AKAP19: variants seen among roughly 807,000 people sequenced by gnomAD.
The protein encoded by AKAP19 is small A-kinase anchoring protein.
chr2:189,993,516 A>G, the AKAP19 span, among the ~76,000 whole-genome samples: 1 of 152,108 alleles, frequency 6.6e-6, no homozygotes, highest in Non-Finnish European at 1.5e-5. Context: ...CTGGCTTTAT[A>G]GAATGTTTTA....
chr2:190,107,756 G>T, the AKAP19 span, among the ~76,000 whole-genome samples: 17,543 of 152,188 alleles, frequency 0.12, 2,086 homozygotes, highest in African/African-American at 0.3. Flanking sequence ...GCAAAGAAAC[G>T]TAACTAGACA....
the AKAP19 span, among the ~76,000 whole-genome samples, chr2:190,050,749 T>G: frequency 6.6e-6 from 1 of 152,302 alleles, no homozygotes; most frequent in Middle Eastern, 3.4e-3. Flanking sequence ...ATCTTTTCAC[T>G]TAAAGATCTC....
the AKAP19 span, among the ~76,000 whole-genome samples, chr2:190,076,406 G>A: frequency 6.6e-5 from 10 of 152,142 alleles, 1 homozygote; most frequent in Admixed American, 3.9e-4. Flanking sequence ...GTTAAAGATT[G>A]AAGTGTCTAT....
At chr2:190,052,627 G>A in the AKAP19 span, among the ~76,000 whole-genome samples, 4 of 152,086 alleles carry the variant, frequency 2.6e-5, no homozygotes, top group African/African-American at 7.2e-5. Flanking sequence ...GGCCCAAACC[G>A]CATAATCAAA....
chr2:190,048,442 C>T, the AKAP19 span, among the ~76,000 whole-genome samples: 1 of 152,140 alleles, frequency 6.6e-6, no homozygotes, highest in South Asian at 2.1e-4. Flanking sequence ...GATGTATATC[C>T]AATCACTACT....
chr2:190,201,744 G>A, the AKAP19 span: 2 of 166,884 alleles, frequency 1.2e-5, no homozygotes, highest in Admixed American at 1.3e-4. Flanking sequence ...CTGTCCCATT[G>A]TACTTGCAAT....
the AKAP19 span, among the ~76,000 whole-genome samples, chr2:190,027,271 A>C: frequency 6.6e-6 from 1 of 152,176 alleles, no homozygotes; most frequent in Non-Finnish European, 1.5e-5. Flanking sequence ...CTCTTAATAG[A>C]GTCAGTGGAA....
chr2:190,180,651 C>T, the AKAP19 span: 3 of 985,400 alleles, frequency 3.0e-6, no homozygotes, highest in Non-Finnish European at 3.6e-6. This position sits in a 1 kb window ranked among gnomAD's most constrained non-coding sequence, Gnocchi z 6.8. Flanking sequence ...TGCCTCGGAC[C>T]CTGCGCCTGA....
chr2:189,977,034 T>A, the AKAP19 span, among the ~76,000 whole-genome samples: 1 of 152,246 alleles, frequency 6.6e-6, no homozygotes, highest in African/African-American at 2.4e-5. Flanking sequence ...CTACCCCAGT[T>A]GGAAATGCAG....
chr2:190,077,592 C>T, the AKAP19 span, among the ~76,000 whole-genome samples: 16 of 152,276 alleles, frequency 1.1e-4, no homozygotes, highest in Middle Eastern at 3.4e-3. Flanking sequence ...CATGAGCCAC[C>T]GTGCACAGTC....
the AKAP19 span, among the ~76,000 whole-genome samples, chr2:189,990,624 C>T: frequency 6.6e-6 from 1 of 152,098 alleles, no homozygotes; most frequent in Non-Finnish European, 1.5e-5. Context: ...ATACTGGCCT[C>T]ATAGAATAAG....
At chr2:189,950,564 G>T in the AKAP19 span, among the ~76,000 whole-genome samples, 7 of 152,072 alleles carry the variant, frequency 4.6e-5, no homozygotes, top group East Asian at 1.4e-3. Context: ...GTCTGAAAAA[G>T]ATTAAGGAAG....
chr2:190,082,770 G>A, the AKAP19 span, among the ~76,000 whole-genome samples: 88 of 152,268 alleles, frequency 5.8e-4, no homozygotes, highest in African/African-American at 2.1e-3. Flanking sequence ...ACTAAACATG[G>A]TAGAAATGGG....
the AKAP19 span, among the ~76,000 whole-genome samples, chr2:189,880,182 C>G: frequency 3.3e-5 from 5 of 152,164 alleles, no homozygotes; most frequent in African/African-American, 1.2e-4. Context: ...CCACTTTTCC[C>G]TCTCCAAATT....
chr2:189,966,664 A>G, the AKAP19 span, among the ~76,000 whole-genome samples: 1 of 152,180 alleles, frequency 6.6e-6, no homozygotes, highest in Non-Finnish European at 1.5e-5. Flanking sequence ...AACTAAATAC[A>G]TACACAAATA....
chr2:190,009,800 C>A, the AKAP19 span, among the ~76,000 whole-genome samples: 2 of 151,734 alleles, frequency 1.3e-5, no homozygotes, highest in Admixed American at 1.3e-4. Context: ...AAGACCAACT[C>A]TTAGGATACA....
chr2:189,935,610 G>A, the AKAP19 span, among the ~76,000 whole-genome samples: 1 of 151,962 alleles, frequency 6.6e-6, no homozygotes, highest in Non-Finnish European at 1.5e-5. Flanking sequence ...AGCTGTCTGA[G>A]TTTAGTAACA....
At chr2:190,148,921 A>G in the AKAP19 span, among the ~76,000 whole-genome samples, 1 of 147,544 alleles carries the variant, frequency 6.8e-6, no homozygotes, top group African/African-American at 2.5e-5. Flanking sequence ...AATTTTGCTA[A>G]TGGTCTATCA....
At chr2:190,042,883 G>A in the AKAP19 span, among the ~76,000 whole-genome samples, 1 of 152,266 alleles carries the variant, frequency 6.6e-6, no homozygotes, top group East Asian at 1.9e-4. Context: ...TGCAAGGCAG[G>A]TCTGGTGGTA....
Sources: allele counts gnomAD v4.1 joint callset (sites outside exome capture counted in the v4.1 genomes callset), GRCh38; gene constraint gnomAD v4.1.1; non-coding constraint Gnocchi (gnomAD v3.1); transcripts MANE v1.5; gene names NCBI Gene and HGNC (gene_info 2026-07-23, HGNC 2026-07-21).